GFAP: variants seen among roughly 807,000 people sequenced by gnomAD.
GFAP encodes glial fibrillary acidic protein.
A neutral mutation model predicts 49.3 loss-of-function variants in GFAP; 38 were observed. The observed-to-expected ratio is 0.77, with a 90% CI of 0.60 to 1.01. The LOEUF is 1.01. Among genes scored for constraint, GFAP ranks in the 50% least tolerant of loss-of-function variants. The probability of loss-of-function intolerance (pLI) is 0.00; values close to 1 mark genes in which losing one functional copy is unlikely to be tolerated. For synonymous variants in GFAP, 222 were observed against 236.4 expected (o/e 0.94, Z 0.56); for missense variants, 463 against 579.1 (o/e 0.80, Z 2.06).
intron 7 of GFAP, chr17:44,908,804 T>TA (rs1201566620): frequency 2.0e-5 from 3 of 151,788 alleles, no homozygotes; most frequent in African/African-American, 7.3e-5. Flanking sequence ...GAGGTTGCAG[T>TA]AAGCTGCGAT....
rs746549043 is a variant in GFAP, at chr17:44,905,067, C to T, written c.*2280G>A. The T allele has an allele frequency of 1.3e-6, 2 of 1,535,320 alleles. No homozygotes were observed. Among genetic ancestry groups the T allele is most frequent in the African/African-American group, 1.4e-5 (1 of 72,848 alleles). ...TTTCACTGTTGTCCCAGCTTCTCCCCCTAGGAGCTCTCTTCAGCTCTGAAG... is the reference window on the plus strand; with the variant it reads ...TTTCACTGTTGTCCCAGCTTCTCCCTCTAGGAGCTCTCTTCAGCTCTGAAG... On this transcript the variant is annotated 3_prime_UTR_variant, in exon 9 of 9. Coordinates refer to ENST00000588735, the MANE Select transcript of GFAP (RefSeq NM_002055.5).
chr17:44,908,085 G>A lies in GFAP; in HGVS notation c.1236C>T (p.Thr412=), dbSNP rs146298944. Residue 412 remains threonine (T), a synonymous_variant, in exon 8 of 9, where the codon ACC becomes ACT. Coordinates refer to ENST00000588735, the MANE Select transcript of GFAP (RefSeq NM_002055.5). ...GHLKRNIVVK[T]VEMRDGEVIK... ...TTACCTCTCCATCCCGCATCTCCACGGTCTTCACCACGATGTTCCTCTTGA... is the reference window on the plus strand; with the variant it reads ...TTACCTCTCCATCCCGCATCTCCACAGTCTTCACCACGATGTTCCTCTTGA... 20 of 1,607,900 alleles carry A rather than the reference G, an allele frequency of 1.2e-5. No individual in the cohort carries two copies. Among genetic ancestry groups the A allele is most frequent in the African/African-American group, 6.7e-5 (5 of 74,804 alleles).
Position 44,911,347 on chromosome 17 carries a change from T to C in GFAP, c.1016A>G (p.Lys339Arg), listed in dbSNP as rs771129522. ...ARLEEEGQSL[K>R]DEMARHLQEY... is the part of the protein sequence containing the mutation. ...CTGCAAGTGGCGGGCCATCTCGTCCTTGAGGCTCTGCCCCTCTTCCTCCAG... is the reference window on the plus strand; with the variant it reads ...CTGCAAGTGGCGGGCCATCTCGTCCCTGAGGCTCTGCCCCTCTTCCTCCAG... The change falls in exon 6 of 9, where the codon AAG becomes AGG. Residue 339 changes from lysine to arginine, a missense_variant. Lys to Arg is a conservative substitution (Grantham distance 26, BLOSUM62 2). Coordinates refer to ENST00000588735, the MANE Select transcript of GFAP (RefSeq NM_002055.5). 5.0e-6 allele frequency: 8 copies of C among 1,614,174 alleles called. No homozygotes were observed. The South Asian group carries it at 6.6e-5, about 13-fold the overall frequency.
chr17:44,903,778 C>T lies in GFAP; in HGVS notation c.*3569G>A. ...CAGAGCTTTCTAGGAGCCCTATGAG[C>T]CTTTAATGCCCTGGTTTTGCCCTGC... is the stretch of plus-strand genomic sequence containing the variant. On this transcript the variant is annotated 3_prime_UTR_variant, in exon 9 of 9. Coordinates refer to ENST00000588735, the MANE Select transcript of GFAP (RefSeq NM_002055.5). 1 of 1,506,404 alleles carries T rather than the reference C, an allele frequency of 6.6e-7. No individual in the cohort carries two copies. Among genetic ancestry groups the T allele is most frequent in the African/African-American group, 1.4e-5 (1 of 71,634 alleles). The allele number at this position is 1,506,404 out of a possible 1,614,324, so 93.3% of individuals were successfully genotyped here. A position where few individuals can be genotyped will look rare whatever the true frequency, so the allele number is the denominator to read the frequency against.
At chr17:44,907,656 A>G (rs533437113) in intron 8 of GFAP, 15 of 584,930 alleles carry the variant, frequency 2.6e-5, no homozygotes, top group Non-Finnish European at 4.3e-5. Flanking sequence ...GGATACGCCA[A>G]ATCCCCTCTT....
chr17:44,911,374 C>A lies in GFAP; in HGVS notation c.989G>T (p.Arg330Leu), dbSNP rs983143417. 6.2e-7 allele frequency: 1 copy of A among 1,614,042 alleles called. No homozygotes were observed. Among genetic ancestry groups the A allele is most frequent in the African/African-American group, 1.3e-5 (1 of 74,932 alleles). Residue 330 changes from arginine to leucine, a missense_variant, in exon 6 of 9, where the codon CGG (arginine) becomes CTG (leucine). Around this residue, in one of 3 missense-constraint regions of GFAP, gnomAD observed 362 missense variants for 445.5 expected, o/e 0.81. Coordinates refer to ENST00000588735, the MANE Select transcript of GFAP (RefSeq NM_002055.5). ...GAGGCTCTGCCCCTCTTCCTCCAGCCGCGCCAGCGCCTCCTGATAACTGGC... is the reference window on the plus strand; with the variant it reads ...GAGGCTCTGCCCCTCTTCCTCCAGCAGCGCCAGCGCCTCCTGATAACTGGC... ...EAASYQEALA[R>L]LEEEGQSLKD... is the part of the protein sequence containing the mutation.
rs1597854537 is a variant in GFAP at position 44,909,088 on chromosome 17, G to T, written c.1172-939C>A. Reference sequence around the variant, plus strand: ...TGCATTCCAGCCTGAGTGACAGAGGGACGCTCTGCCGAAGGAAGGAAGGAA... The same window carrying T: ...TGCATTCCAGCCTGAGTGACAGAGGTACGCTCTGCCGAAGGAAGGAAGGAA... On this transcript the variant is annotated intron_variant, in intron 7 of 8. Coordinates refer to ENST00000588735, the MANE Select transcript of GFAP (RefSeq NM_002055.5). The T allele has an allele frequency of 3.3e-5, 5 of 152,106 alleles. No homozygotes were observed. In the South Asian group the frequency reaches 1.0e-3, roughly 32 times the overall value. 9.4% of individuals were successfully genotyped at this position (152,106 alleles called of 1,614,324 possible). A position where few individuals can be genotyped will look rare whatever the true frequency, so the allele number is the denominator to read the frequency against.
chr17:44,911,924 C>A, intron 4 of GFAP, 127 bp from the exon 5 acceptor site: 2 of 1,051,032 alleles, frequency 1.9e-6, no homozygotes, highest in African/African-American at 1.6e-5. Context: ...CTTTTCCCAA[C>A]AACTGTGACC....
At chr17:44,907,796 C>T in intron 8 of GFAP, 2 of 582,306 alleles carry the variant, frequency 3.4e-6, no homozygotes, top group South Asian at 4.0e-5. Context: ...GCAAGCAAGG[C>T]CCCCGAGTTT....
intron 7 of GFAP, 144 bp downstream of exon 7, chr17:44,910,471 A>C: frequency 6.4e-7 from 1 of 1,557,076 alleles, no homozygotes. Flanking sequence ...GGCTCTGGCT[A>C]GGAGCGCTGC....
chr17:44,910,076 G>A (rs1214349447), intron 7 of GFAP: 1 of 1,612,270 alleles, frequency 6.2e-7, no homozygotes, highest in Non-Finnish European at 8.5e-7. Context: ...GGGAGGATGG[G>A]GTGGGTGAGG....
At chr17:44,910,183 T>C in intron 7 of GFAP, 2 of 1,613,904 alleles carry the variant, frequency 1.2e-6, no homozygotes, top group Non-Finnish European at 1.7e-6. Context: ...TGAGCCTGTA[T>C]TGGTATAACT....
Position 44,911,604 on chromosome 17 carries a change from T to C in GFAP, c.906+68A>G, listed in dbSNP as rs538281322. 2.0e-5 allele frequency: 32 copies of C among 1,594,748 alleles called. 1 individual carries two copies. In the South Asian group the frequency reaches 3.3e-4, roughly 16 times the overall value. On this transcript the variant is annotated intron_variant, in intron 5 of 8. Transcript: ENST00000588735. ...CCCAGGTCCTCGTCCCTGGCCCTTCTCCCCTGGCATCTCCTGGGGTGGCCG... is the reference window on the plus strand; with the variant it reads ...CCCAGGTCCTCGTCCCTGGCCCTTCCCCCCTGGCATCTCCTGGGGTGGCCG...
chr17:44,911,492 G>T, intron 5 of GFAP, 36 bp from the exon 6 acceptor site: 1 of 1,572,092 alleles, frequency 6.4e-7, no homozygotes, highest in South Asian at 1.2e-5. Context: ...GCGGAGCCCC[G>T]ACCCGACTTG....
intron 4 of GFAP, 99 bp from the exon 5 acceptor site, chr17:44,911,896 C>A: frequency 7.1e-7 from 1 of 1,406,618 alleles, no homozygotes. Context: ...AACCCCAGGA[C>A]GTTGGCCCTG....
chr17:44,910,107 G>A, intron 7 of GFAP: 14 of 1,613,882 alleles, frequency 8.7e-6, no homozygotes, highest in Non-Finnish European at 1.2e-5. Flanking sequence ...GTCAAGCTGG[G>A]CAAAGCGCCG....
intron 7 of GFAP, chr17:44,910,303 C>T (rs1339736717): frequency 6.2e-7 from 1 of 1,613,840 alleles, no homozygotes. Context: ...AGAAAACACT[C>T]AGAAGGGCAG....
Position 44,906,184 on chromosome 17 carries a change from A to G in GFAP, c.*1163T>C, listed in dbSNP as rs1257153154. ...GGCGGCCTGGTATGACACAGCAAGG[A>G]AGAGGCCTTTAGAAATGGGACAAAG... On this transcript the variant is annotated 3_prime_UTR_variant, in exon 9 of 9. Coordinates refer to ENST00000588735, the MANE Select transcript of GFAP (RefSeq NM_002055.5). 6.6e-6 allele frequency: 1 copy of G among 152,338 alleles called. No homozygotes were observed. The highest frequency in any genetic ancestry group is 1.9e-4 in the East Asian group (1 of 5,194). The allele number at this position is 152,338 out of a possible 1,614,324, so 9.4% of individuals were successfully genotyped here.
At chr17:44,913,460 G>T (rs376995804) in intron 3 of GFAP, 30 bp from the exon 4 acceptor site, 260 of 1,604,006 alleles carry the variant, frequency 1.6e-4, no homozygotes, top group Non-Finnish European at 2.0e-4. Flanking sequence ...CGGTACCAGG[G>T]CTCAGGGTAC....
Sources: gnomAD v4.1 joint callset for allele counts on GRCh38, gnomAD v4.1.1 for gene constraint, gnomAD v4.1.1 regional missense constraint, MANE v1.5 for transcripts, NCBI Gene and HGNC (gene_info 2026-07-23, HGNC 2026-07-21) for gene names.